Variants in NLGN1 observed in about 807,000 individuals in gnomAD.
NLGN1 encodes neuroligin 1, also known as neuroligin-1.
In NLGN1, 12 loss-of-function variants were observed where a neutral mutation model predicts 65.5. That is an observed-to-expected ratio of 0.18 (90% confidence interval 0.12 to 0.30). NLGN1 has a LOEUF of 0.30. Ranked by LOEUF, NLGN1 falls within the 10% of genes least tolerant of loss-of-function variation. The pLI is 1.00. For synonymous variants in NLGN1, 350 were observed against 359.5 expected (o/e 0.97, Z 0.30); for missense variants, 750 against 1,007.1 (o/e 0.74, Z 3.46).
intron 4 of NLGN1, among the ~76,000 whole-genome samples, chr3:174,121,100 C>A (rs558075704): frequency 6.6e-6 from 1 of 152,164 alleles, no homozygotes; most frequent in Non-Finnish European, 1.5e-5. Flanking sequence ...TTGAATAATA[C>A]CTTTAGAGTC....
chr3:173,423,117 C>T (rs1257633017), intron 1 of NLGN1, among the ~76,000 whole-genome samples: 2 of 152,128 alleles, frequency 1.3e-5, no homozygotes, highest in Non-Finnish European at 2.9e-5. Context: ...GAGGAAGTGC[C>T]ACACTTTAAA....
At chr3:173,797,352 TAAG>T (rs927989189) in intron 3 of NLGN1, among the ~76,000 whole-genome samples, 7 of 152,236 alleles carry the variant, frequency 4.6e-5, no homozygotes, top group South Asian at 2.1e-4. Context: ...TTCTTGATGT[TAAG>T]AACACCCAGA....
At chr3:173,545,584 C>T (rs76513098) in intron 2 of NLGN1, among the ~76,000 whole-genome samples, 12 of 152,142 alleles carry the variant, frequency 7.9e-5, no homozygotes, top group African/African-American at 2.9e-4. Flanking sequence ...CCATCCATCC[C>T]ATTACTGGCT....
chr3:174,017,643 G>A (rs1043984362), intron 4 of NLGN1, among the ~76,000 whole-genome samples: 9 of 152,040 alleles, frequency 5.9e-5, no homozygotes, highest in Non-Finnish European at 1.2e-4. Context: ...CTGGGTTTCC[G>A]GGGGAGACAT....
intron 4 of NLGN1, among the ~76,000 whole-genome samples, chr3:173,815,011 CTT>C (rs1718729144): frequency 6.6e-6 from 1 of 151,460 alleles, no homozygotes; most frequent in African/African-American, 2.4e-5. Context: ...CTTCTCTTTT[CTT>C]TTCTTTCCTT....
chr3:173,964,707 A>G (rs1253517468), intron 4 of NLGN1, among the ~76,000 whole-genome samples: 1 of 152,252 alleles, frequency 6.6e-6, no homozygotes, highest in Non-Finnish European at 1.5e-5. Flanking sequence ...TTCTTCCAAA[A>G]TGGATTAAAA....
chr3:174,020,013 T>C (rs1727414120), intron 4 of NLGN1, among the ~76,000 whole-genome samples: 1 of 152,128 alleles, frequency 6.6e-6, no homozygotes, highest in African/African-American at 2.4e-5. Context: ...ATATTAACTT[T>C]GTGCTCTAAT....
At chr3:174,040,468 C>G (rs948745754) in intron 4 of NLGN1, among the ~76,000 whole-genome samples, 2 of 152,092 alleles carry the variant, frequency 1.3e-5, no homozygotes, top group Non-Finnish European at 2.9e-5. Flanking sequence ...GATAAAATAA[C>G]TGACACTCAT....
intron 3 of NLGN1, among the ~76,000 whole-genome samples, chr3:173,730,320 G>GCCCCCCCCCCCCCC (rs1440876299): frequency 3.6e-5 from 1 of 27,712 alleles, no homozygotes; most frequent in African/African-American, 1.1e-4. Context: ...CTGCCCCACC[G>GCCCCCCCCCCCCCC]CTCCCCCCCC....
chr3:173,965,167 A>G (rs986758732), intron 4 of NLGN1, among the ~76,000 whole-genome samples: 5 of 152,246 alleles, frequency 3.3e-5, no homozygotes, highest in African/African-American at 9.6e-5. Flanking sequence ...TGCAGAGTTA[A>G]AGATCTAAAT....
chr3:174,157,997 AT>A (rs1725774519), intron 4 of NLGN1, among the ~76,000 whole-genome samples: 1 of 151,744 alleles, frequency 6.6e-6, no homozygotes, highest in Admixed American at 6.6e-5. Flanking sequence ...TAGAAAGTAC[AT>A]TGTCCAGCCC....
chr3:173,818,836 C>T (rs1226449408), intron 4 of NLGN1, among the ~76,000 whole-genome samples: 4 of 143,266 alleles, frequency 2.8e-5, no homozygotes, highest in Admixed American at 2.1e-4. Flanking sequence ...CTCTCTGTTA[C>T]AAAAAGACAA....
At chr3:173,958,662 G>A (rs1180084479) in intron 4 of NLGN1, among the ~76,000 whole-genome samples, 1 of 152,168 alleles carries the variant, frequency 6.6e-6, no homozygotes, top group East Asian at 1.9e-4. Flanking sequence ...TGTGAGACTG[G>A]CAGCCTGGCC....
At chr3:173,709,908 G>T (rs897248704) in intron 3 of NLGN1, among the ~76,000 whole-genome samples, 1 of 151,294 alleles carries the variant, frequency 6.6e-6, no homozygotes, top group Non-Finnish European at 1.5e-5. Context: ...TAAAAACTTG[G>T]TGTATGCTTT....
At chr3:173,698,918 G>T (rs145377495) in intron 3 of NLGN1, among the ~76,000 whole-genome samples, 3 of 152,076 alleles carry the variant, frequency 2.0e-5, no homozygotes, top group Non-Finnish European at 1.5e-5. Context: ...GTACAATGGC[G>T]TGATCTCAGC....
chr3:174,175,232 G>C (rs1729226539), intron 4 of NLGN1, among the ~76,000 whole-genome samples: 1 of 151,786 alleles, frequency 6.6e-6, no homozygotes, highest in Non-Finnish European at 1.5e-5. Flanking sequence ...GATGAATGCG[G>C]GGGAGTCTCC....
intron 2 of NLGN1, among the ~76,000 whole-genome samples, chr3:173,531,760 T>C (rs936528458): frequency 2.6e-5 from 4 of 152,174 alleles, no homozygotes; most frequent in African/African-American, 9.6e-5. Flanking sequence ...GCAGCCAGTC[T>C]AAAGCTCTAC....
At chr3:173,822,033 A>T (rs1298295176) in intron 4 of NLGN1, among the ~76,000 whole-genome samples, 2 of 152,142 alleles carry the variant, frequency 1.3e-5, no homozygotes, top group East Asian at 3.9e-4. Flanking sequence ...ATTTTTTAAT[A>T]TCAGAAGGTT....
intron 4 of NLGN1, among the ~76,000 whole-genome samples, chr3:174,234,490 A>G (rs1741292756): frequency 6.6e-6 from 1 of 152,194 alleles, no homozygotes; most frequent in South Asian, 2.1e-4. Context: ...CAAGAAGGTC[A>G]TGTAACAGTT....
Sources: gnomAD v4.1 joint callset for allele counts (sites outside exome capture counted in the v4.1 genomes callset) on GRCh38, gnomAD v4.1.1 for gene constraint, MANE v1.5 for transcripts, NCBI Gene and HGNC (gene_info 2026-07-23, HGNC 2026-07-21) for gene names.